The following RGS6 variants were observed in gnomAD, a reference collection of about 807,000 sequenced individuals.
RGS6 encodes the protein regulator of G protein signaling 6.
A neutral mutation model predicts 78.5 loss-of-function variants in RGS6; 30 were observed. The observed-to-expected ratio is 0.38, with a 90% CI of 0.29 to 0.52. The LOEUF (loss-of-function observed/expected upper bound fraction) is 0.52, where lower values mean the gene tolerates loss of function less well. Among genes scored for constraint, RGS6 ranks in the 20% least tolerant of loss-of-function variants. The pLI, the probability that RGS6 is intolerant of heterozygous loss-of-function variation, is 0.85. For synonymous variants in RGS6, 206 were observed against 206.0 expected (o/e 1.00, Z 0.00); for missense variants, 495 against 609.7 (o/e 0.81, Z 1.98).
chr14:72,570,830 A>G (rs2097719409), downstream of RGS6, among the ~76,000 whole-genome samples: 1 of 152,214 alleles, frequency 6.6e-6, no homozygotes, highest in South Asian at 2.1e-4. Flanking sequence ...CAGCATTATG[A>G]ACTCATGAAT....
At chr14:72,558,131 A>G (rs947305909) in intron 17 of RGS6, among the ~76,000 whole-genome samples, 24 of 152,042 alleles carry the variant, frequency 1.6e-4, no homozygotes, top group Admixed American at 5.2e-4. Flanking sequence ...TCCCTTTCCA[A>G]TCAATTTCAT....
rs375587946 is a variant in RGS6 at position 72,435,536 on chromosome 14, T to G, written c.185-18992T>G. Reference sequence around the variant, plus strand: ...ACTTAGTGGCTTAAAACAACACACATTTATCTTATAGGTCTGGAGGCCAGA... The same window carrying G: ...ACTTAGTGGCTTAAAACAACACACAGTTATCTTATAGGTCTGGAGGCCAGA... On this transcript the variant is annotated intron_variant, in intron 3 of 17. Transcript: ENST00000553525. Among the ~76,000 whole-genome samples, 26 of 152,300 alleles carry G rather than the reference T, an allele frequency of 1.7e-4. No homozygotes were observed. The East Asian group carries it at 2.7e-3, about 16-fold the overall frequency.
intron 2 of RGS6, among the ~76,000 whole-genome samples, chr14:72,256,118 A>G (rs1416537388): frequency 6.6e-6 from 1 of 152,220 alleles, no homozygotes; most frequent in Admixed American, 6.5e-5. Flanking sequence ...TAGGCAGTCA[A>G]GTGACAGAAT....
At position 72,547,222 on chromosome 14, in the gene RGS6, G is replaced by A. The variant is rs1277425631; in HGVS notation, c.1422+7128G>A. On this transcript the variant is annotated intron_variant, in intron 17 of 17. Transcript: ENST00000553525. ...CGCAGCAGAGGGGGCCAGAGAAAGA[G>A]CATCCAATGGCAGGAGTCTGGCAAG... 2.3e-5 allele frequency: 36 copies of A among 1,535,468 alleles called. No homozygotes were observed. The Admixed American group carries it at 3.9e-4, about 17-fold the overall frequency.
At chr14:71,955,251 G>A (rs1317003447) in intron 1 of RGS6, among the ~76,000 whole-genome samples, 2 of 152,130 alleles carry the variant, frequency 1.3e-5, no homozygotes, top group African/African-American at 2.4e-5. Flanking sequence ...CTGGTGTGGT[G>A]GTAGGGCATA....
At chr14:72,326,609 C>T (rs1480832412) in intron 2 of RGS6, among the ~76,000 whole-genome samples, 2 of 152,136 alleles carry the variant, frequency 1.3e-5, no homozygotes, top group Admixed American at 6.5e-5. Context: ...CCTGAGGCCT[C>T]CCCAGAAGCA....
chr14:72,594,905 C>T, the RGS6 span: 1 of 152,298 alleles, frequency 6.6e-6, no homozygotes, highest in East Asian at 1.9e-4. Context: ...TCTGCCCACA[C>T]ATTTTCCTTT....
At chr14:72,337,956 G>A (rs1375908851) in intron 2 of RGS6, among the ~76,000 whole-genome samples, 1 of 152,034 alleles carries the variant, frequency 6.6e-6, no homozygotes, top group Non-Finnish European at 1.5e-5. Flanking sequence ...CATTTTCTTG[G>A]GGATGAAAAA....
chr14:72,133,961 T>C (rs1212171031), intron 2 of RGS6, among the ~76,000 whole-genome samples: 1 of 152,218 alleles, frequency 6.6e-6, no homozygotes, highest in African/African-American at 2.4e-5. Flanking sequence ...ATCATAATAC[T>C]GTTTCCCAAC....
intron 1 of RGS6, among the ~76,000 whole-genome samples, chr14:71,944,862 T>C (rs1197265185): frequency 6.6e-6 from 1 of 152,228 alleles, no homozygotes; most frequent in Non-Finnish European, 1.5e-5. Context: ...TAGCCTACTG[T>C]ACACCTAGGC....
intron 14 of RGS6, among the ~76,000 whole-genome samples, chr14:72,514,939 C>T (rs1598560840): frequency 6.6e-6 from 1 of 152,200 alleles, no homozygotes; most frequent in Non-Finnish European, 1.5e-5. Context: ...GGGAATGTGG[C>T]CTGGGCTCTG....
chr14:71,931,848 C>A (rs2087890415), upstream of RGS6, among the ~76,000 whole-genome samples: 1 of 152,162 alleles, frequency 6.6e-6, no homozygotes, highest in Admixed American at 6.5e-5. Context: ...CTCGAAAGTT[C>A]TTTTGTAGTG....
intron 17 of RGS6, chr14:72,547,198 G>A (rs534076287): frequency 1.0e-4 from 158 of 1,535,302 alleles, no homozygotes; most frequent in East Asian, 9.0e-4. Flanking sequence ...CAGCAGCACC[G>A]CAGCAGAGGG....
At chr14:72,452,547 A>G (rs1194400015) in intron 3 of RGS6, among the ~76,000 whole-genome samples, 1 of 152,158 alleles carries the variant, frequency 6.6e-6, no homozygotes, top group Admixed American at 6.5e-5. Flanking sequence ...CACATATCTA[A>G]GAAAACTGAT....
At chr14:72,408,001 T>C (rs1409903877) in intron 3 of RGS6, among the ~76,000 whole-genome samples, 2 of 152,214 alleles carry the variant, frequency 1.3e-5, no homozygotes, top group Non-Finnish European at 2.9e-5. Flanking sequence ...TCTGCTCCAC[T>C]GGAGAGAGTC....
chr14:72,287,404 T>G lies in RGS6; in HGVS notation c.85-64691T>G, dbSNP rs141993944. Among the ~76,000 whole-genome samples the G allele has an allele frequency of 6.0e-3, 920 of 152,330 alleles. 5 individuals are homozygous for G. Among genetic ancestry groups the G allele is most frequent in the Non-Finnish European group, 9.9e-3 (675 of 68,030 alleles). On this transcript the variant is annotated intron_variant, in intron 2 of 17. Coordinates refer to ENST00000553525, the MANE Select transcript of RGS6 (RefSeq NM_001204424.2). ...TTCTTGATCTTAGAAGAAAAGCTTT[T>G]ATTTTTCGTTAGTATAATGTTAACT...
chr14:72,562,614 A>G lies in RGS6; in HGVS notation c.*147A>G, dbSNP rs188258238. ...AGGGCAATGAAGGGCGATGGTGGGG[A>G]GACTCGGTGGGTGAATGGGGAGACC... On this transcript the variant is annotated 3_prime_UTR_variant, in exon 18 of 18. Coordinates refer to ENST00000553525, the MANE Select transcript of RGS6 (RefSeq NM_001204424.2). 6.5e-7 allele frequency: 1 copy of G among 1,534,648 alleles called. No individual in the cohort carries two copies. The highest frequency in any genetic ancestry group is 1.4e-5 in the African/African-American group (1 of 72,820).
chr14:72,115,439 G>A (rs1039364456), intron 2 of RGS6, among the ~76,000 whole-genome samples: 2 of 152,136 alleles, frequency 1.3e-5, no homozygotes, highest in Non-Finnish European at 2.9e-5. Flanking sequence ...AACCCACATT[G>A]GTCTCTTGCT....
chr14:72,485,099 G>T (rs1455445314), intron 12 of RGS6, among the ~76,000 whole-genome samples: 3 of 152,134 alleles, frequency 2.0e-5, no homozygotes, highest in Admixed American at 6.5e-5. Context: ...AGTGATGTGA[G>T]AATTTGTCAT....
Sources: allele counts gnomAD v4.1 joint callset (sites outside exome capture counted in the v4.1 genomes callset), GRCh38; gene constraint gnomAD v4.1.1; transcripts MANE v1.5; gene names NCBI Gene and HGNC (gene_info 2026-07-23, HGNC 2026-07-21).